The following EXT1 variants were observed in gnomAD, a reference collection of about 807,000 sequenced individuals.
The protein encoded by EXT1 is exostosin-1.
A neutral mutation model predicts 82.5 loss-of-function variants in EXT1; 20 were observed. The ratio of observed to expected loss-of-function variants is 0.24; its 90% confidence interval spans 0.17 to 0.35. EXT1 has a LOEUF of 0.35. EXT1 is among the 10% of genes least tolerant of loss of function. The pLI is 1.00. For missense variants in EXT1, 757 were observed against 936.5 expected, an observed-to-expected ratio of 0.81 and a Z score of 2.50; for synonymous variants, 348 against 350.8, an observed-to-expected ratio of 0.99 and a Z score of 0.09.
chr8:117,932,071 C>A (rs535375063), intron 1 of EXT1, among the ~76,000 whole-genome samples: 1 of 152,078 alleles, frequency 6.6e-6, no homozygotes, highest in Non-Finnish European at 1.5e-5. Flanking sequence ...TATTTCAATT[C>A]GAAATTACGT....
chr8:117,957,131 G>A (rs188485420), intron 1 of EXT1, among the ~76,000 whole-genome samples: 1 of 152,284 alleles, frequency 6.6e-6, no homozygotes, highest in East Asian at 1.9e-4. Context: ...GTCACCAAGA[G>A]TTACACACAC....
At chr8:118,005,700 T>A (rs1815760239) in intron 1 of EXT1, among the ~76,000 whole-genome samples, 2 of 152,230 alleles carry the variant, frequency 1.3e-5, no homozygotes, top group African/African-American at 4.8e-5. Context: ...GTGTCTTTTA[T>A]GATAATTGGC....
chr8:117,929,383 C>A (rs566980340), intron 1 of EXT1, among the ~76,000 whole-genome samples: 28 of 152,320 alleles, frequency 1.8e-4, no homozygotes, highest in African/African-American at 2.9e-4. Context: ...AAATATGATA[C>A]GAGCACTTCC....
chr8:117,798,190 T>C lies in EXT1; in HGVS notation c.*1522A>G, dbSNP rs1375620828. ...TCAGAACAAAATTCTCTGATGAACT[T>C]TTCTTCTAAAACAAAACTGAAAATA... On this transcript the variant is annotated 3_prime_UTR_variant, in exon 11 of 11. Transcript: ENST00000378204. The C allele has an allele frequency of 6.6e-6, 1 of 152,204 alleles. No homozygotes were observed. Among genetic ancestry groups the C allele is most frequent in the Admixed American group, 6.5e-5 (1 of 15,284 alleles). The allele number at this position is 152,204 out of a possible 1,614,324, so 9.4% of individuals were successfully genotyped here.
intron 1 of EXT1, among the ~76,000 whole-genome samples, chr8:117,949,025 G>C (rs574010632): frequency 6.6e-6 from 1 of 152,278 alleles, no homozygotes; most frequent in South Asian, 2.1e-4. Flanking sequence ...ACTTGAAACT[G>C]GAAGGGCAGA....
intron 1 of EXT1, among the ~76,000 whole-genome samples, chr8:117,838,589 A>G (rs1377239360): frequency 6.6e-6 from 1 of 152,196 alleles, no homozygotes; most frequent in Non-Finnish European, 1.5e-5. Context: ...AAATTGCAAA[A>G]TAGACTTCAA....
chr8:117,908,555 G>A (rs1449284597), intron 1 of EXT1, among the ~76,000 whole-genome samples: 5 of 151,612 alleles, frequency 3.3e-5, no homozygotes, highest in African/African-American at 4.8e-5. Context: ...ACTTGAACTC[G>A]GGAGGCAGAG....
chr8:117,897,445 C>T (rs551989749), intron 1 of EXT1, among the ~76,000 whole-genome samples: 2 of 152,190 alleles, frequency 1.3e-5, no homozygotes, highest in African/African-American at 2.4e-5. Flanking sequence ...ACTGTTCCTG[C>T]TTTATTTCAA....
intron 1 of EXT1, among the ~76,000 whole-genome samples, chr8:118,044,790 C>T (rs1586361412): frequency 6.6e-6 from 1 of 152,204 alleles, no homozygotes; most frequent in South Asian, 2.1e-4. Flanking sequence ...TCTCCAGTCT[C>T]GGTCTCCCGA....
At chr8:118,010,233 G>T (rs535890415) in intron 1 of EXT1, among the ~76,000 whole-genome samples, 1 of 151,806 alleles carries the variant, frequency 6.6e-6, no homozygotes, top group Non-Finnish European at 1.5e-5. Context: ...TTAGCCGGGC[G>T]TGGTGGCGGG....
chr8:117,884,268 T>A (rs17475162), intron 1 of EXT1, among the ~76,000 whole-genome samples: 4,004 of 151,904 alleles, frequency 0.026, 185 homozygotes, highest in African/African-American at 0.09. Context: ...CAAGAAAGAG[T>A]CTTCCATTCC....
At chr8:117,976,044 T>C (rs1045813980) in intron 1 of EXT1, among the ~76,000 whole-genome samples, 3 of 152,210 alleles carry the variant, frequency 2.0e-5, no homozygotes, top group Admixed American at 1.3e-4. Flanking sequence ...TGAATTAGTC[T>C]TCAAAATGAC....
rs1181366390 is a variant in EXT1 at position 117,858,844 on chromosome 8, G to GGAAAGAAAGAAAGAAA, written c.963-21659_963-21644dup. 1.6e-4 allele frequency among the ~76,000 whole-genome samples: 14 copies of GGAAAGAAAGAAAGAAA among 85,340 alleles called. No individual in the cohort carries two copies. The East Asian group carries it at 2.3e-3, about 14-fold the overall frequency. 56.0% of individuals were successfully genotyped at this position (85,340 alleles called of 152,430 possible). ...AGGAAGGAAGGAAGGAAGGAAGGAA[G>GGAAAGAAAGAAAGAAA]GAAAGAAAGAAAGAAAGAAAGAAAG... On this transcript the variant is annotated intron_variant, in intron 1 of 10. Transcript: ENST00000378204.
intron 1 of EXT1, among the ~76,000 whole-genome samples, chr8:118,033,136 TA>T (rs1318473601): frequency 6.6e-6 from 1 of 152,202 alleles, no homozygotes; most frequent in African/African-American, 2.4e-5. Context: ...CCAGTCTACA[TA>T]TTTGTAAAGC....
At chr8:117,897,661 C>A (rs2129959363) in intron 1 of EXT1, among the ~76,000 whole-genome samples, 1 of 135,412 alleles carries the variant, frequency 7.4e-6, no homozygotes, top group African/African-American at 2.8e-5. Context: ...ACGGCCCGAT[C>A]TCGGTTCACT....
At chr8:118,051,299 C>A (rs1359766960) in intron 1 of EXT1, among the ~76,000 whole-genome samples, 1 of 152,136 alleles carries the variant, frequency 6.6e-6, no homozygotes, top group African/African-American at 2.4e-5. Flanking sequence ...GATGGTACCA[C>A]TGCACACCAG....
At chr8:117,844,132 A>AATTATTATT (rs1184849304) in intron 1 of EXT1, among the ~76,000 whole-genome samples, 3 of 57,444 alleles carry the variant, frequency 5.2e-5, no homozygotes, top group African/African-American at 2.1e-4. Context: ...TTAAAATTTC[A>AATTATTATT]ATTACTATTA....
At chr8:117,806,071 T>C (rs918439802) in intron 9 of EXT1, among the ~76,000 whole-genome samples, 8 of 152,214 alleles carry the variant, frequency 5.3e-5, no homozygotes, top group Admixed American at 4.6e-4. Flanking sequence ...CCAGACTCTC[T>C]AGGCATCATG....
chr8:118,104,736 T>C (rs531091011), intron 1 of EXT1, among the ~76,000 whole-genome samples: 1 of 152,210 alleles, frequency 6.6e-6, no homozygotes, highest in Non-Finnish European at 1.5e-5. Flanking sequence ...AAAATGCTCA[T>C]GTCAGTGGTC....
Sources: allele counts gnomAD v4.1 joint callset (sites outside exome capture counted in the v4.1 genomes callset), GRCh38; gene constraint gnomAD v4.1.1; transcripts MANE v1.5; gene names NCBI Gene and HGNC (gene_info 2026-07-23, HGNC 2026-07-21).